TMEM123: variants seen among roughly 807,000 people sequenced by gnomAD.
TMEM123 encodes the protein porimin.
TMEM123 carries 16 observed loss-of-function variants against 19.7 expected under a neutral mutation model. The ratio of observed to expected loss-of-function variants is 0.81; its 90% CI spans 0.55 to 1.23. TMEM123 has a LOEUF of 1.23. Among genes scored for constraint, TMEM123 ranks in the 50% most tolerant of loss-of-function variants. TMEM123 has a pLI of 0.00. For missense variants in TMEM123, 313 were observed against 257.8 expected (o/e 1.21, Z -1.47); for synonymous variants, 118 against 99.4 (o/e 1.19, Z -1.12).
intron 2 of TMEM123, among the ~76,000 whole-genome samples, chr11:102,447,331 G>C (rs1181663287): frequency 6.6e-6 from 1 of 152,170 alleles, no homozygotes. Context: ...AAGAGACATA[G>C]GTTTTAGAAT....
chr11:102,403,865 G>A (rs145716831), intron 2 of TMEM123, among the ~76,000 whole-genome samples: 46 of 152,204 alleles, frequency 3.0e-4, no homozygotes, highest in African/African-American at 9.4e-4. Flanking sequence ...ATGCTCCTCG[G>A]GTTTTCTATC....
intron 2 of TMEM123, among the ~76,000 whole-genome samples, chr11:102,439,044 G>A (rs1270068186): frequency 6.6e-6 from 1 of 152,210 alleles, no homozygotes; most frequent in Non-Finnish European, 1.5e-5. Context: ...TGGGGGAGGG[G>A]CGTCCGCCAG....
intron 4 of TMEM123, 109 bp downstream of exon 4, chr11:102,401,430 A>C: frequency 9.5e-7 from 1 of 1,056,670 alleles, no homozygotes; most frequent in Non-Finnish European, 1.3e-6. Context: ...ATAACTCATA[A>C]ATCTATCAAT....
At chr11:102,450,828 A>G (rs928089788) in intron 1 of TMEM123, among the ~76,000 whole-genome samples, 2 of 152,256 alleles carry the variant, frequency 1.3e-5, no homozygotes, top group African/African-American at 4.8e-5. Flanking sequence ...ATATGTACCC[A>G]GTAAAAATCA....
In TMEM123 at chr11:102,398,473, A is replaced by C; in HGVS notation, c.*394T>G. On this transcript the variant is annotated 3_prime_UTR_variant, in exon 5 of 5. Coordinates refer to ENST00000398136, the MANE Select transcript of TMEM123 (RefSeq NM_052932.3). The stretch of plus-strand genomic sequence containing the variant: ...CTGAAGTTCTTTATGTGAGCTACAA[A>C]AGATACCCAAAATCCTGAGTGCTGT... The C allele has an allele frequency of 2.5e-6, 1 of 407,500 alleles. No homozygotes were observed. The allele number at this position is 407,500 out of a possible 1,614,324, so 25.2% of individuals were successfully genotyped here.
chr11:102,441,448 G>C (rs1023127017), intron 2 of TMEM123, among the ~76,000 whole-genome samples: 1 of 152,100 alleles, frequency 6.6e-6, no homozygotes, highest in South Asian at 2.1e-4. Context: ...TGACTACTGG[G>C]TACATAACAA....
At chr11:102,421,531 C>A (rs1177164480) in intron 2 of TMEM123, among the ~76,000 whole-genome samples, 2 of 151,110 alleles carry the variant, frequency 1.3e-5, no homozygotes, top group South Asian at 2.1e-4. Flanking sequence ...AAAAAAAAAA[C>A]TGTCTGCTCG....
chr11:102,398,794 A>T lies in TMEM123; in HGVS notation c.*73T>A. ...ATTTTCAAAAAGAGAATATTGTTTT[A>T]AACTATTAATAAACCAAAATTAATT... On this transcript the variant is annotated 3_prime_UTR_variant, in exon 5 of 5. Transcript: ENST00000398136. The T allele has an allele frequency of 1.4e-6, 2 of 1,468,908 alleles. No individual in the cohort carries two copies. The highest frequency in any genetic ancestry group is 1.9e-6 in the Non-Finnish European group (2 of 1,059,122). The allele number at this position is 1,468,908 out of a possible 1,614,324, so 91.0% of individuals were successfully genotyped here.
chr11:102,430,026 G>T (rs1378066138), intron 2 of TMEM123, among the ~76,000 whole-genome samples: 2 of 152,174 alleles, frequency 1.3e-5, no homozygotes, highest in African/African-American at 4.8e-5. Flanking sequence ...CTTCCAAATT[G>T]CTCTGTCCAT....
In TMEM123 at chr11:102,434,337, G is replaced by C. The variant is rs916692813; in HGVS notation, c.157+14475C>G. On this transcript the variant is annotated intron_variant, in intron 2 of 4. Coordinates refer to ENST00000398136, the MANE Select transcript of TMEM123 (RefSeq NM_052932.3). ...TGGTTTTAATTTGCATTTCCCTAAT[G>C]ATTCTTAATATTCAGCAATTTCTCA... 2.0e-5 allele frequency among the ~76,000 whole-genome samples: 3 copies of C among 151,834 alleles called. No individual in the cohort carries two copies. The East Asian group carries it at 5.8e-4, about 29-fold the overall frequency.
At chr11:102,446,256 TCTGA>T (rs1481239222) in intron 2 of TMEM123, among the ~76,000 whole-genome samples, 1 of 152,210 alleles carries the variant, frequency 6.6e-6, no homozygotes, top group Non-Finnish European at 1.5e-5. Flanking sequence ...ATCTAAATAC[TCTGA>T]CTGCAAATGA....
chr11:102,423,707 A>G (rs1431852980), intron 2 of TMEM123, among the ~76,000 whole-genome samples: 5 of 152,200 alleles, frequency 3.3e-5, no homozygotes, highest in African/African-American at 1.2e-4. Context: ...TAACACAAAA[A>G]ATCAGTAATT....
chr11:102,450,646 C>G (rs1429333018), intron 1 of TMEM123, among the ~76,000 whole-genome samples: 1 of 152,184 alleles, frequency 6.6e-6, no homozygotes, highest in Non-Finnish European at 1.5e-5. Flanking sequence ...TCTAACGCGG[C>G]TTAGTGGTGA....
chr11:102,407,603 A>T (rs11225244), intron 2 of TMEM123, among the ~76,000 whole-genome samples: 9,547 of 152,304 alleles, frequency 0.063, 333 homozygotes, highest in Non-Finnish European at 0.074. Flanking sequence ...ATGGTTGGTG[A>T]CCTTATTAAA....
At chr11:102,425,270 A>G (rs1952116921) in intron 2 of TMEM123, among the ~76,000 whole-genome samples, 1 of 152,254 alleles carries the variant, frequency 6.6e-6, no homozygotes, top group Non-Finnish European at 1.5e-5. Flanking sequence ...TGTAAGAACA[A>G]GGATGAAACA....
intron 2 of TMEM123, among the ~76,000 whole-genome samples, chr11:102,411,348 C>T (rs2135847555): frequency 6.6e-6 from 1 of 152,276 alleles, no homozygotes; most frequent in South Asian, 2.1e-4. Context: ...TTCCTCCACA[C>T]CCAGACCTTA....
chr11:102,425,823 C>T (rs999299269), intron 2 of TMEM123, among the ~76,000 whole-genome samples: 13 of 152,090 alleles, frequency 8.5e-5, no homozygotes. Context: ...GTCAAGCAAT[C>T]TGCCTCCCAA....
chr11:102,429,627 C>T (rs1191372096), intron 2 of TMEM123, among the ~76,000 whole-genome samples: 1 of 152,142 alleles, frequency 6.6e-6, no homozygotes, highest in Non-Finnish European at 1.5e-5. Context: ...TACACCAAAC[C>T]AACAAGACTA....
chr11:102,431,417 T>C (rs1041347145), intron 2 of TMEM123, among the ~76,000 whole-genome samples: 14 of 152,242 alleles, frequency 9.2e-5, no homozygotes, highest in African/African-American at 3.1e-4. Context: ...ATTGAAATTT[T>C]ACTCAGCGAT....
Sources: gnomAD v4.1 joint callset for allele counts (sites outside exome capture counted in the v4.1 genomes callset) on GRCh38, gnomAD v4.1.1 for gene constraint, MANE v1.5 for transcripts, NCBI Gene and HGNC (gene_info 2026-07-23, HGNC 2026-07-21) for gene names.